Variants in TMIE observed in about 807,000 individuals in gnomAD.
TMIE encodes the protein transmembrane inner ear expressed protein.
In TMIE, 14 loss-of-function variants were observed where a neutral mutation model predicts 16.8. The ratio of observed to expected loss-of-function variants is 0.83; its 90% confidence interval spans 0.55 to 1.30. The LOEUF (loss-of-function observed/expected upper bound fraction) is 1.30, where lower values mean the gene tolerates loss of function less well. Among genes scored for constraint, TMIE ranks in the 50% most tolerant of loss-of-function variants. The pLI is 0.00. For missense variants in TMIE, 204 were observed against 205.9 expected (o/e 0.99, Z 0.06); for synonymous variants, 75 against 87.2 (o/e 0.86, Z 0.78).
chr3:46,706,087 GC>G (rs1011175031), intron 2 of TMIE, among the ~76,000 whole-genome samples, 180 bp downstream of exon 2: 5 of 152,256 alleles, frequency 3.3e-5, no homozygotes, highest in Admixed American at 2.0e-4. Flanking sequence ...GGGCTGACAG[GC>G]CGGTGGTGAC....
chr3:46,703,238 C>T (rs548174026), intron 1 of TMIE, among the ~76,000 whole-genome samples: 87 of 152,264 alleles, frequency 5.7e-4, no homozygotes, highest in East Asian at 3.9e-3. Context: ...AAATCAGACC[C>T]CAGCAGGGCC....
At chr3:46,701,249 A>C, upstream of TMIE, 1 of 410,856 alleles carries the variant, frequency 2.4e-6, no homozygotes. The surrounding 1 kb of genome is among the most constrained non-coding windows in gnomAD (Gnocchi z 4.3). Flanking sequence ...GGGATGCGGA[A>C]GGTGGGGGCA....
chr3:46,697,218 T>C (rs566959397), upstream of TMIE, among the ~76,000 whole-genome samples: 2 of 152,196 alleles, frequency 1.3e-5, no homozygotes, highest in Admixed American at 6.5e-5. Flanking sequence ...GGCTATAATG[T>C]GTTGGGCCTC....
At position 46,695,243 on chromosome 3, in the gene TMIE, A is replaced by G. The variant is rs116349725; in HGVS notation, c.-67+625A>G. Among the ~76,000 whole-genome samples the G allele has an allele frequency of 2.3e-3, 344 of 152,340 alleles. 1 individual carries two copies. Among genetic ancestry groups the G allele is most frequent in the African/African-American group, 8.0e-3 (332 of 41,578 alleles). On this transcript the variant is annotated intron_variant, in intron 1 of 3. Transcript: ENST00000644830. Reference sequence around the variant, plus strand: ...GCTTCAGGTTCTAAACAGGCCTCCAAGGTCTTCCCTGTGGGGATCCTTTGT... The same window carrying G: ...GCTTCAGGTTCTAAACAGGCCTCCAGGGTCTTCCCTGTGGGGATCCTTTGT...
chr3:46,704,478 T>C (rs1202824111), intron 1 of TMIE, among the ~76,000 whole-genome samples: 1 of 122,838 alleles, frequency 8.1e-6, no homozygotes, highest in Non-Finnish European at 1.7e-5. Context: ...GGCAGGACCA[T>C]GTCCCTAGAT....
chr3:46,707,857 G>A (rs766421781), intron 2 of TMIE, among the ~76,000 whole-genome samples: 3 of 152,222 alleles, frequency 2.0e-5, no homozygotes, highest in Non-Finnish European at 4.4e-5. Flanking sequence ...CTGGTGGGGT[G>A]GCTAGAAGAG....
upstream of TMIE, among the ~76,000 whole-genome samples, chr3:46,701,038 C>A (rs572532387): frequency 6.6e-5 from 10 of 151,934 alleles, no homozygotes; most frequent in East Asian, 7.8e-4. The surrounding 1 kb of genome is among the most constrained non-coding windows in gnomAD (Gnocchi z 4.3). Flanking sequence ...TCTGCCCCCC[C>A]CCCAAACTCA....
upstream of TMIE, among the ~76,000 whole-genome samples, chr3:46,699,805 G>A (rs978229773): frequency 3.3e-5 from 5 of 152,204 alleles, no homozygotes; most frequent in African/African-American, 1.2e-4. Context: ...GTAAGCAGCA[G>A]AGCACTGCCT....
In TMIE at chr3:46,709,900, C is replaced by T; in HGVS notation, c.*212C>T. On this transcript the variant is annotated 3_prime_UTR_variant, in exon 4 of 4. Transcript: ENST00000643606. ...CCCCCAGCCTAGGCTTGGCTCCTTT[C>T]ACCCCATCCACATGGGTACTGTCTC... 1.1e-6 allele frequency: 1 copy of T among 939,508 alleles called. No homozygotes were observed. Among genetic ancestry groups the T allele is most frequent in the East Asian group, 2.8e-5 (1 of 35,700 alleles). The allele number at this position is 939,508 out of a possible 1,614,324, so 58.2% of individuals were successfully genotyped here.
At chr3:46,707,357 C>T (rs1252644698) in intron 2 of TMIE, among the ~76,000 whole-genome samples, 1 of 152,244 alleles carries the variant, frequency 6.6e-6, no homozygotes, top group Admixed American at 6.5e-5. Context: ...CCACACAGAC[C>T]ATCTCTAACC....
intron 1 of TMIE, among the ~76,000 whole-genome samples, chr3:46,705,455 T>C (rs1434572254): frequency 2.0e-5 from 3 of 152,162 alleles, no homozygotes; most frequent in Non-Finnish European, 1.5e-5. Flanking sequence ...TGAGACCCCA[T>C]CTGCCTGGGT....
At chr3:46,707,045 C>G (rs1027541145) in intron 2 of TMIE, among the ~76,000 whole-genome samples, 2 of 152,174 alleles carry the variant, frequency 1.3e-5, no homozygotes, top group Admixed American at 6.5e-5. Context: ...AAAATCCCCG[C>G]CCCCCATCTG....
At chr3:46,699,060 ATTTT>A (rs397951323), upstream of TMIE, among the ~76,000 whole-genome samples, 2 of 84,854 alleles carry the variant, frequency 2.4e-5, no homozygotes, top group Non-Finnish European at 4.2e-5. Context: ...GGTGTTTCTT[ATTTT>A]TTTTTTTTTT....
At position 46,709,156 on chromosome 3, in the gene TMIE, G is replaced by A. The variant is rs375322709; in HGVS notation, c.242G>A (p.Arg81His). ...ACGCTGTGCTGTGTCTTCAACTGTC[G>A]TGTGCCACGGACCCGGAAGGAGATC... The part of the protein sequence containing the change: ...IITLCCVFNC[R>H]VPRTRKEIEA... Residue 81 changes from arginine to histidine, a missense_variant, in exon 3 of 4, where the codon CGT becomes CAT. By Grantham distance (29) the Arg-to-His change is conservative (BLOSUM62 0). Transcript: ENST00000643606. 9.3e-6 allele frequency: 15 copies of A among 1,614,012 alleles called. No homozygotes were observed. Among genetic ancestry groups the A allele is most frequent in the South Asian group, 4.4e-5 (4 of 91,086 alleles).
chr3:46,705,163 A>C (rs552622629), intron 1 of TMIE, among the ~76,000 whole-genome samples: 1 of 152,296 alleles, frequency 6.6e-6, no homozygotes, highest in Non-Finnish European at 1.5e-5. Context: ...GGCTTGCTAC[A>C]GCCGCACTTC....
intron 1 of TMIE, among the ~76,000 whole-genome samples, chr3:46,704,940 A>G (rs1700532330): frequency 6.6e-6 from 1 of 151,996 alleles, no homozygotes; most frequent in African/African-American, 2.4e-5. Flanking sequence ...CCTGGGCAGA[A>G]CTATGTCCCC....
intron 1 of TMIE, among the ~76,000 whole-genome samples, chr3:46,702,201 G>A (rs1458396199): frequency 6.6e-6 from 1 of 152,100 alleles, no homozygotes; most frequent in East Asian, 1.9e-4. Context: ...CCTAGGGACT[G>A]GGAAGTCTGA....
chr3:46,709,205 G>A lies in TMIE; in HGVS notation c.291G>A (p.Lys97=). The A allele has an allele frequency of 1.9e-6, 3 of 1,614,200 alleles. No homozygotes were observed. Among genetic ancestry groups the A allele is most frequent in the Non-Finnish European group, 2.5e-6 (3 of 1,180,052 alleles). ...KEIEARYLQR[K]AAKMYTDKLE... is the part of the protein sequence containing the mutation. Reference sequence around the variant, plus strand: ...TCGAAGCCCGGTACCTGCAGCGAAAGGCAGCCAAGATGTACACAGACAAGC... The same window carrying A: ...TCGAAGCCCGGTACCTGCAGCGAAAAGCAGCCAAGATGTACACAGACAAGC... The change falls in exon 3 of 4, where the codon AAG becomes AAA. Residue 97 remains lysine, a synonymous_variant. Coordinates refer to ENST00000643606, the MANE Select transcript of TMIE (RefSeq NM_147196.3).
At chr3:46,704,868 T>A (rs1402732770) in intron 1 of TMIE, among the ~76,000 whole-genome samples, 2 of 151,284 alleles carry the variant, frequency 1.3e-5, no homozygotes, top group Non-Finnish European at 2.9e-5. Context: ...CCATGTCCCC[T>A]AGACACCCAG....
Sources: gnomAD v4.1 joint callset for allele counts (sites outside exome capture counted in the v4.1 genomes callset) on GRCh38, gnomAD v4.1.1 for gene constraint, Gnocchi (gnomAD v3.1) non-coding constraint, MANE v1.5 for transcripts, NCBI Gene and HGNC (gene_info 2026-07-23, HGNC 2026-07-21) for gene names.